Variants in EDAR observed in about 807,000 individuals in gnomAD.
EDAR encodes the protein tumor necrosis factor receptor superfamily member EDAR.
Under a neutral mutation model 51.3 loss-of-function variants are expected in EDAR, and 38 were observed. That is an observed-to-expected ratio of 0.74 (90% CI 0.57 to 0.97). EDAR has a LOEUF of 0.97. Ranked by LOEUF, EDAR falls within the 50% of genes least tolerant of loss-of-function variation. EDAR has a pLI of 0.00. For missense variants in EDAR, 528 were observed against 595.0 expected (o/e 0.89, Z 1.17); for synonymous variants, 227 against 242.1 (o/e 0.94, Z 0.58).
intron 1 of EDAR, among the ~76,000 whole-genome samples, chr2:108,966,651 T>C (rs1470071059): frequency 6.6e-6 from 1 of 152,214 alleles, no homozygotes; most frequent in Non-Finnish European, 1.5e-5. Context: ...GGAACACTAC[T>C]GTGTTTGGCT....
At chr2:108,976,696 C>T (rs767391603) in intron 1 of EDAR, among the ~76,000 whole-genome samples, 6 of 152,184 alleles carry the variant, frequency 3.9e-5, no homozygotes, top group Non-Finnish European at 7.3e-5. Flanking sequence ...TGGGTTATAA[C>T]CCAATATTAC....
intron 1 of EDAR, among the ~76,000 whole-genome samples, chr2:108,939,184 G>A (rs1351269055): frequency 6.6e-6 from 1 of 151,984 alleles, no homozygotes; most frequent in Non-Finnish European, 1.5e-5. Flanking sequence ...TCCATTTGTT[G>A]TTGTTGTTTT....
intron 11 of EDAR, among the ~76,000 whole-genome samples, chr2:108,900,116 G>A (rs190105398): frequency 5.9e-5 from 9 of 152,124 alleles, no homozygotes; most frequent in Admixed American, 1.3e-4. Context: ...CACCAAAATC[G>A]AATTCTGAAA....
intron 1 of EDAR, among the ~76,000 whole-genome samples, chr2:108,943,891 T>G (rs1697660164): frequency 6.6e-6 from 1 of 152,196 alleles, no homozygotes; most frequent in Admixed American, 6.5e-5. Context: ...GCATACCATT[T>G]CCACCCACTG....
intron 4 of EDAR, among the ~76,000 whole-genome samples, chr2:108,927,356 G>T (rs990995752): frequency 6.6e-6 from 1 of 152,184 alleles, no homozygotes; most frequent in African/African-American, 2.4e-5. Context: ...AGAGCAGCCT[G>T]CCCACTAATT....
At chr2:108,981,930 T>G (rs1698426638) in intron 1 of EDAR, among the ~76,000 whole-genome samples, 3 of 152,254 alleles carry the variant, frequency 2.0e-5, no homozygotes, top group African/African-American at 7.2e-5. Context: ...TGTGGGTTTC[T>G]TCAACATTTA....
At chr2:108,918,769 G>A (rs1211678356) in intron 5 of EDAR, among the ~76,000 whole-genome samples, 2 of 152,176 alleles carry the variant, frequency 1.3e-5, no homozygotes, top group Non-Finnish European at 2.9e-5. Flanking sequence ...TTTGAGGTCT[G>A]TTAATCCACA....
chr2:108,968,727 C>T (rs1344777972), intron 1 of EDAR, among the ~76,000 whole-genome samples: 1 of 152,188 alleles, frequency 6.6e-6, no homozygotes, highest in Non-Finnish European at 1.5e-5. Flanking sequence ...AAGCTTGATG[C>T]TGATACAAAA....
Position 108,980,776 on chromosome 2 carries a change from T to G in EDAR, c.-19+8184A>C, listed in dbSNP as rs562232215. Among the ~76,000 whole-genome samples the G allele has an allele frequency of 2.6e-5, 4 of 152,186 alleles. No homozygotes were observed. In the South Asian group the frequency reaches 8.3e-4, roughly 32 times the overall value. On this transcript the variant is annotated intron_variant, in intron 1 of 11. Transcript: ENST00000258443. ...CGGCAGCCCTGAGCTTGAATCAGTG[T>G]GGCCAGAGTGGGGTCACGGTGTCAC... is the stretch of plus-strand genomic sequence containing the variant.
At chr2:108,911,871 G>T (rs1439304540) in intron 6 of EDAR, among the ~76,000 whole-genome samples, 10 of 152,220 alleles carry the variant, frequency 6.6e-5, no homozygotes, top group Non-Finnish European at 1.5e-4. Context: ...GGGTGCATCT[G>T]CAGGAAAACC....
At chr2:108,960,505 A>C (rs1392765837) in intron 1 of EDAR, among the ~76,000 whole-genome samples, 1 of 152,202 alleles carries the variant, frequency 6.6e-6, no homozygotes, top group African/African-American at 2.4e-5. Context: ...ATGAGGAGCC[A>C]GGGCAGGGTG....
At position 108,962,699 on chromosome 2, in the gene EDAR, A is replaced by AG. The variant is rs1346963636; in HGVS notation, c.-19+26260_-19+26261insC. Among the ~76,000 whole-genome samples the AG allele has an allele frequency of 8.0e-3, 838 of 105,242 alleles. 71 individuals carry two copies. The highest frequency in any genetic ancestry group is 0.023 in the African/African-American group (759 of 32,530). The allele number at this position is 105,242 out of a possible 152,430, so 69.0% of individuals were successfully genotyped here. A position where few individuals can be genotyped will look rare whatever the true frequency, so the allele number is the denominator to read the frequency against. On this transcript the variant is annotated intron_variant, in intron 1 of 11. Transcript: ENST00000258443. Reference sequence around the variant, plus strand: ...CAAAAAAAAAAAAAAAAAAAAAAAAAAAGAGAGAAAGGAATGCAATTCAAG... The same window carrying AG: ...CAAAAAAAAAAAAAAAAAAAAAAAAAGAAGAGAGAAAGGAATGCAATTCAAG...
chr2:108,953,775 A>G (rs1044203440), intron 1 of EDAR, among the ~76,000 whole-genome samples: 7 of 152,198 alleles, frequency 4.6e-5, no homozygotes, highest in Non-Finnish European at 7.3e-5. Flanking sequence ...TGGCAGGTGG[A>G]GAGGCCAGTT....
intron 1 of EDAR, among the ~76,000 whole-genome samples, chr2:108,980,502 TTATG>T (rs139466291): frequency 0.025 from 3,861 of 152,214 alleles, 94 homozygotes; most frequent in African/African-American, 0.063. Flanking sequence ...TTATGTGATA[TTATG>T]TGTGTATGTA....
chr2:108,895,727 A>C lies in EDAR; in HGVS notation c.*1180T>G, dbSNP rs1035122385. 5 of 152,228 alleles carry C rather than the reference A, an allele frequency of 3.3e-5. No homozygotes were observed. The highest frequency in any genetic ancestry group is 7.3e-5 in the Non-Finnish European group (5 of 68,066). 9.4% of individuals were successfully genotyped at this position (152,228 alleles called of 1,614,324 possible). A position where few individuals can be genotyped will look rare whatever the true frequency, so the allele number is the denominator to read the frequency against. Reference sequence around the variant, plus strand: ...GCAGACGAGAAACTGAGGCAGAGAGAGGAAAAGACAAGGCCCAAGGTGGCA... The same window carrying C: ...GCAGACGAGAAACTGAGGCAGAGAGCGGAAAAGACAAGGCCCAAGGTGGCA... On this transcript the variant is annotated 3_prime_UTR_variant, in exon 12 of 12. Coordinates refer to ENST00000258443, the MANE Select transcript of EDAR (RefSeq NM_022336.4).
chr2:108,954,678 C>CT (rs796351382), intron 1 of EDAR, among the ~76,000 whole-genome samples: 208 of 146,666 alleles, frequency 1.4e-3, no homozygotes, highest in Middle Eastern at 3.6e-3. Context: ...GGAAGATAAT[C>CT]TTTTTTTTTT....
At chr2:108,957,020 C>T (rs183422305) in intron 1 of EDAR, among the ~76,000 whole-genome samples, 1 of 152,342 alleles carries the variant, frequency 6.6e-6, no homozygotes, top group Admixed American at 6.5e-5. Flanking sequence ...AAACTCCCGA[C>T]CTCAGGTGAT....
chr2:108,928,026 T>C (rs916701386), intron 4 of EDAR, among the ~76,000 whole-genome samples: 3 of 152,070 alleles, frequency 2.0e-5, no homozygotes, highest in African/African-American at 7.2e-5. Context: ...GCCCACAGCA[T>C]CCCTGGCTCA....
chr2:108,944,330 T>C (rs1000902931), intron 1 of EDAR, among the ~76,000 whole-genome samples: 4 of 152,200 alleles, frequency 2.6e-5, no homozygotes, highest in Non-Finnish European at 5.9e-5. Context: ...GCGGGGCTGG[T>C]CCTGAACTCC....
Sources: gnomAD v4.1 joint callset for allele counts (sites outside exome capture counted in the v4.1 genomes callset) on GRCh38, gnomAD v4.1.1 for gene constraint, MANE v1.5 for transcripts, NCBI Gene and HGNC (gene_info 2026-07-23, HGNC 2026-07-21) for gene names.